The following KIRREL3 variants were observed in gnomAD, a reference collection of about 807,000 sequenced individuals.
KIRREL3 encodes the protein kin of IRRE-like protein 3.
In KIRREL3, 36 loss-of-function variants were observed where a neutral mutation model predicts 89.7. The observed-to-expected ratio is 0.40, with a 90% confidence interval of 0.31 to 0.53. The LOEUF (loss-of-function observed/expected upper bound fraction) is 0.53. KIRREL3 is among the 20% of genes least tolerant of loss of function. The probability of loss-of-function intolerance (pLI) is 0.49; values close to 1 mark genes in which losing one functional copy is unlikely to be tolerated. For missense variants in KIRREL3, 864 were observed against 1,056.6 expected, an observed-to-expected ratio of 0.82 and a Z score of 2.53; for synonymous variants, 445 against 441.4, an observed-to-expected ratio of 1.01 and a Z score of -0.10.
chr11:126,807,404 C>G lies in KIRREL3; in HGVS notation c.55+193051G>C, dbSNP rs1232040942. Among the ~76,000 whole-genome samples the G allele has an allele frequency of 6.6e-6, 1 of 152,188 alleles. No individual in the cohort carries two copies. The highest frequency in any genetic ancestry group is 1.9e-4 in the East Asian group (1 of 5,192). ...CTCTGCCATGTACACATGTTCTAAC[C>G]TGTATTTTGGCTTCTAGTGGTTGAG... On this transcript the variant is annotated intron_variant, in intron 1 of 16. Transcript: ENST00000525144. This position sits in a 1 kb window ranked among gnomAD's most constrained non-coding sequence, Gnocchi z 4.3.
At position 126,442,346 on chromosome 11, in the gene KIRREL3, ACACAC is replaced by A. The variant is rs1565454375; in HGVS notation, c.1253-1802_1253-1798del. ...CACACACACACACACACACACACAC[ACACAC>A]ACAAAACCTTTTCCTTGTGCTTCCC... On this transcript the variant is annotated intron_variant, in intron 10 of 16. Transcript: ENST00000525144. Among the ~76,000 whole-genome samples, 54 of 143,264 alleles carry A rather than the reference ACACAC, an allele frequency of 3.8e-4. 1 individual carries two copies. Among genetic ancestry groups the A allele is most frequent in the African/African-American group, 1.3e-3 (49 of 37,842 alleles). 94.0% of individuals were successfully genotyped at this position (143,264 alleles called of 152,430 possible). A position where few individuals can be genotyped will look rare whatever the true frequency, so the allele number is the denominator to read the frequency against.
In KIRREL3 at chr11:126,898,163, C is replaced by T. The variant is rs1287574615; in HGVS notation, c.55+102292G>A. The stretch of plus-strand genomic sequence containing the variant: ...ATGCCACAGTCGCCTATCTCGTGGA[C>T]AGGTGGAAGTAAAGAGTTAGGATCA... On this transcript the variant is annotated intron_variant, in intron 1 of 16. Transcript: ENST00000525144. The surrounding 1 kb of genome is among the most constrained non-coding windows in gnomAD (Gnocchi z 4.9). Among the ~76,000 whole-genome samples the T allele has an allele frequency of 6.6e-6, 1 of 152,062 alleles. No individual in the cohort carries two copies. Among genetic ancestry groups the T allele is most frequent in the Admixed American group, 6.6e-5 (1 of 15,256 alleles).
Position 126,432,981 on chromosome 11 carries a change from C to T in KIRREL3, c.1589-1455G>A, listed in dbSNP as rs924270635. On this transcript the variant is annotated intron_variant, in intron 13 of 16. Transcript: ENST00000525144. The surrounding 1 kb of genome is among the most constrained non-coding windows in gnomAD (Gnocchi z 6.2). Reference sequence around the variant, plus strand: ...GCAACCTCCGCCTCCTGGGTTCAAGCGATTCTCCTGCCTCAGTCTCCCGAA... The same window carrying T: ...GCAACCTCCGCCTCCTGGGTTCAAGTGATTCTCCTGCCTCAGTCTCCCGAA... Among the ~76,000 whole-genome samples the T allele has an allele frequency of 3.3e-5, 5 of 152,190 alleles. No homozygotes were observed. Among genetic ancestry groups the T allele is most frequent in the Non-Finnish European group, 7.3e-5 (5 of 68,034 alleles).
Position 126,436,827 on chromosome 11 carries a change from G to A in KIRREL3, c.1536C>T (p.Ile512=). 2 of 1,613,616 alleles carry A rather than the reference G, an allele frequency of 1.2e-6. No homozygotes were observed. The highest frequency in any genetic ancestry group is 1.7e-6 in the Non-Finnish European group (2 of 1,179,872). ...AGCTCTCACCTTGCTCCTTGAGCCG[G>A]ATGATCTCAGTGTCGGAGCCGAAGC... ...WNSFGSDTEI[I]RLKEQGSEMK... Residue 512 remains isoleucine, a synonymous_variant, in exon 12 of 17, where the codon ATC becomes ATT. Transcript: ENST00000525144.
At chr11:126,447,872 A>G (rs961813111) in intron 8 of KIRREL3, among the ~76,000 whole-genome samples, 7 of 152,218 alleles carry the variant, frequency 4.6e-5, no homozygotes, top group African/African-American at 1.7e-4. Context: ...AGTTTGTAAA[A>G]GCAAGTTTAA....
Position 126,636,914 on chromosome 11 carries a change from C to A in KIRREL3, c.56-74002G>T, listed in dbSNP as rs1239118038. On this transcript the variant is annotated intron_variant, in intron 1 of 16. Transcript: ENST00000525144. This position sits in a 1 kb window ranked among gnomAD's most constrained non-coding sequence, Gnocchi z 4.4. ...AATGAAAGTAACACCTATATCATGGCATTACTGGAAGATAAAAAGAGATGA... is the reference window on the plus strand; with the variant it reads ...AATGAAAGTAACACCTATATCATGGAATTACTGGAAGATAAAAAGAGATGA... Among the ~76,000 whole-genome samples, 1 of 152,186 alleles carries A rather than the reference C, an allele frequency of 6.6e-6. No individual in the cohort carries two copies. The highest frequency in any genetic ancestry group is 2.4e-5 in the African/African-American group (1 of 41,430).
chr11:126,731,519 G>A (rs1948616672), intron 1 of KIRREL3, among the ~76,000 whole-genome samples: 1 of 152,182 alleles, frequency 6.6e-6, no homozygotes, highest in Admixed American at 6.5e-5. Flanking sequence ...TCTTCTTGAG[G>A]TCACAGATGT....
At position 126,551,759 on chromosome 11, in the gene KIRREL3, C is replaced by T. The variant is rs1410743472; in HGVS notation, c.133+11076G>A. 6.6e-6 allele frequency among the ~76,000 whole-genome samples: 1 copy of T among 151,784 alleles called. No homozygotes were observed. The highest frequency in any genetic ancestry group is 2.4e-5 in the African/African-American group (1 of 41,244). On this transcript the variant is annotated intron_variant, in intron 2 of 16. Transcript: ENST00000525144. The surrounding 1 kb of genome is among the most constrained non-coding windows in gnomAD (Gnocchi z 4.9). The stretch of plus-strand genomic sequence containing the variant: ...CTCCTGGGTTCAAGCGATTCTCCTG[C>T]CTCAGCCTCCTGAGTAGCTGGGATT...
chr11:126,881,541 T>TA (rs1307094413), intron 1 of KIRREL3, among the ~76,000 whole-genome samples: 2 of 152,154 alleles, frequency 1.3e-5, no homozygotes, highest in Non-Finnish European at 2.9e-5. Flanking sequence ...TTAATGCAAT[T>TA]AAAAAAATCA....
intron 1 of KIRREL3, among the ~76,000 whole-genome samples, chr11:126,713,723 G>A (rs901264664): frequency 1.3e-5 from 2 of 152,158 alleles, no homozygotes; most frequent in Non-Finnish European, 2.9e-5. Context: ...GGAGAGTGGA[G>A]GGTGTGGGGT....
chr11:126,847,357 C>T (rs1944183487), intron 1 of KIRREL3, among the ~76,000 whole-genome samples: 1 of 152,108 alleles, frequency 6.6e-6, no homozygotes, highest in Non-Finnish European at 1.5e-5. Flanking sequence ...GAGGTAACCA[C>T]ATTTCTTTGT....
chr11:126,748,352 C>T lies in KIRREL3; in HGVS notation c.56-185440G>A, dbSNP rs760188917. ...AAGAACTAAATGTTTTCTAGGTCAC[C>T]GCCTGATCAAGTCCCCACTTAAACA... On this transcript the variant is annotated intron_variant, in intron 1 of 16. Transcript: ENST00000525144. The surrounding 1 kb of genome is among the most constrained non-coding windows in gnomAD (Gnocchi z 4.6). 5.3e-5 allele frequency among the ~76,000 whole-genome samples: 8 copies of T among 152,180 alleles called. No individual in the cohort carries two copies. Among genetic ancestry groups the T allele is most frequent in the Non-Finnish European group, 1.0e-4 (7 of 68,036 alleles).
chr11:126,559,937 CCT>C (rs1220600945), intron 2 of KIRREL3, among the ~76,000 whole-genome samples: 1 of 152,120 alleles, frequency 6.6e-6, no homozygotes, highest in East Asian at 1.9e-4. Context: ...CCTGCCTTGG[CCT>C]CTCAGAGTGC....
intron 1 of KIRREL3, among the ~76,000 whole-genome samples, chr11:126,665,103 G>T (rs1212896047): frequency 1.3e-5 from 2 of 152,150 alleles, no homozygotes; most frequent in Non-Finnish European, 2.9e-5. Context: ...TTTAAAAATT[G>T]TTGTAGATTT....
At chr11:126,785,269 C>T (rs1408430744) in intron 1 of KIRREL3, among the ~76,000 whole-genome samples, 1 of 152,106 alleles carries the variant, frequency 6.6e-6, no homozygotes, top group African/African-American at 2.4e-5. Context: ...ATGGAAATAT[C>T]TTAATACAGC....
rs1431678079 is a variant in KIRREL3 at position 126,813,000 on chromosome 11, C to CTG, written c.55+187453_55+187454dup. Among the ~76,000 whole-genome samples, 4 of 152,282 alleles carry CTG rather than the reference C, an allele frequency of 2.6e-5. No individual in the cohort carries two copies. The highest frequency in any genetic ancestry group is 3.9e-4 in the East Asian group (2 of 5,174). The stretch of plus-strand genomic sequence containing the variant: ...AATGTGCAGATCAAGGCAATGATGC[C>CTG]TGTTTCTCCATTTCATTAGCCACAG... On this transcript the variant is annotated intron_variant, in intron 1 of 16. Coordinates refer to ENST00000525144, the MANE Select transcript of KIRREL3 (RefSeq NM_032531.4). This position sits in a 1 kb window ranked among gnomAD's most constrained non-coding sequence, Gnocchi z 5.2.
At chr11:126,589,443 G>A (rs1407095630) in intron 1 of KIRREL3, among the ~76,000 whole-genome samples, 1 of 152,208 alleles carries the variant, frequency 6.6e-6, no homozygotes, top group Non-Finnish European at 1.5e-5. Flanking sequence ...CCACCAGCAG[G>A]CAGGGACTCA....
intron 1 of KIRREL3, among the ~76,000 whole-genome samples, chr11:126,888,393 C>T (rs147012889): frequency 8.7e-4 from 129 of 148,406 alleles, no homozygotes; most frequent in East Asian, 7.2e-3. Flanking sequence ...CACCAGGGCC[C>T]GTGCCAGATT....
chr11:126,666,189 G>A lies in KIRREL3; in HGVS notation c.56-103277C>T, dbSNP rs1239781944. On this transcript the variant is annotated intron_variant, in intron 1 of 16. Coordinates refer to ENST00000525144, the MANE Select transcript of KIRREL3 (RefSeq NM_032531.4). The surrounding 1 kb of genome is among the most constrained non-coding windows in gnomAD (Gnocchi z 4.2). ...CAGCAGGATCTTGGTTCCGCAGGAA[G>A]AGTGTGGATTCTTGGAATGCAATTG... 6.6e-6 allele frequency among the ~76,000 whole-genome samples: 1 copy of A among 152,216 alleles called. No individual in the cohort carries two copies.
Sources: gnomAD v4.1 joint callset for allele counts (sites outside exome capture counted in the v4.1 genomes callset) on GRCh38, gnomAD v4.1.1 for gene constraint, Gnocchi (gnomAD v3.1) non-coding constraint, MANE v1.5 for transcripts, NCBI Gene and HGNC (gene_info 2026-07-23, HGNC 2026-07-21) for gene names.